Variants in ASXL3 observed in about 807,000 individuals in gnomAD.
ASXL3 encodes the protein putative Polycomb group protein ASXL3.
In ASXL3, 34 loss-of-function variants were observed where a neutral mutation model predicts 170.6. The observed-to-expected ratio is 0.20, with a 90% CI of 0.15 to 0.27. The LOEUF is 0.27. ASXL3 is among the 10% of genes least tolerant of loss of function. ASXL3 has a pLI of 1.00. For synonymous variants in ASXL3, 1,002 were observed against 989.1 expected (o/e 1.01, Z -0.24); for missense variants, 2,592 against 2,695.3 (o/e 0.96, Z 0.85).
At chr18:33,602,118 T>C (rs573452701) in intron 1 of ASXL3, among the ~76,000 whole-genome samples, 2 of 151,818 alleles carry the variant, frequency 1.3e-5, no homozygotes, top group East Asian at 3.9e-4. Flanking sequence ...TTCTTAAGTG[T>C]GAAATTGCTG....
At position 33,747,231 on chromosome 18, in the gene ASXL3, T is replaced by C. The variant is rs1278425978; in HGVS notation, c.*636T>C. 6.6e-6 allele frequency: 1 copy of C among 152,202 alleles called. No homozygotes were observed. Among genetic ancestry groups the C allele is most frequent in the Non-Finnish European group, 1.5e-5 (1 of 68,048 alleles). 9.4% of individuals were successfully genotyped at this position (152,202 alleles called of 1,614,324 possible). A position where few individuals can be genotyped will look rare whatever the true frequency, so the allele number is the denominator to read the frequency against. ...AGACTATGGCAGAATATCTGGATCT[T>C]CCTTGGATTTTGTACACATATTGTA... On this transcript the variant is annotated 3_prime_UTR_variant, in exon 12 of 12. Coordinates refer to ENST00000269197, the MANE Select transcript of ASXL3 (RefSeq NM_030632.3).
chr18:33,661,080 A>G (rs1407364836), intron 4 of ASXL3, among the ~76,000 whole-genome samples: 1 of 152,184 alleles, frequency 6.6e-6, no homozygotes, highest in Non-Finnish European at 1.5e-5. Context: ...CAAGCATCTC[A>G]GATTTCTTTT....
At position 33,607,580 on chromosome 18, in the gene ASXL3, T is replaced by C. The variant is rs772441428; in HGVS notation, c.55-14T>C. The stretch of plus-strand genomic sequence containing the variant: ...GCCATGCAATAATCTAGGAATCTTA[T>C]GTTTATATTTTAGGCACTAGAAAAA... On this transcript the variant is annotated splice_polypyrimidine_tract_variant and intron_variant, in intron 1 of 11. Transcript: ENST00000269197. The C allele has an allele frequency of 1.9e-6, 3 of 1,554,776 alleles. No individual in the cohort carries two copies. The highest frequency in any genetic ancestry group is 2.7e-5 in the African/African-American group (2 of 73,378).
intron 1 of ASXL3, 55 bp downstream of exon 1, chr18:33,578,740 C>T (rs2064967732): frequency 9.2e-7 from 1 of 1,087,014 alleles, no homozygotes; most frequent in African/African-American, 1.7e-5. Context: ...CGCCGCTCGC[C>T]CCGCGCCGGT....
intron 8 of ASXL3, among the ~76,000 whole-genome samples, chr18:33,699,512 A>G (rs1356128497): frequency 1.3e-5 from 2 of 152,164 alleles, no homozygotes; most frequent in Non-Finnish European, 2.9e-5. Context: ...GAGTAAGATG[A>G]TGATTGAGAG....
intron 4 of ASXL3, among the ~76,000 whole-genome samples, chr18:33,654,607 C>T (rs1226082787): frequency 6.6e-6 from 1 of 152,006 alleles, no homozygotes; most frequent in Non-Finnish European, 1.5e-5. Context: ...TTTTCTGTTT[C>T]TCATTTTCTA....
chr18:33,639,169 C>T (rs574066769), intron 2 of ASXL3, among the ~76,000 whole-genome samples: 3 of 152,212 alleles, frequency 2.0e-5, no homozygotes, highest in South Asian at 2.1e-4. Flanking sequence ...ACATTTACCA[C>T]GTACCAGACA....
intron 9 of ASXL3, 140 bp downstream of exon 9, chr18:33,732,204 G>A (rs2067461314): frequency 4.2e-6 from 2 of 471,952 alleles, no homozygotes; most frequent in Non-Finnish European, 7.1e-6. Flanking sequence ...CTTTCCAAAT[G>A]AGTTCACTGA....
chr18:33,582,855 G>A (rs988402443), intron 1 of ASXL3, among the ~76,000 whole-genome samples: 5 of 151,880 alleles, frequency 3.3e-5, no homozygotes, highest in Admixed American at 3.3e-4. Context: ...GTTACTGAAG[G>A]TTTTAAGTAA....
intron 8 of ASXL3, among the ~76,000 whole-genome samples, chr18:33,699,461 A>G (rs1381150218): frequency 6.6e-6 from 1 of 152,174 alleles, no homozygotes; most frequent in African/African-American, 2.4e-5. Context: ...GGCAAATTTG[A>G]AGATGGAGTG....
At chr18:33,730,020 T>C (rs1382146690) in intron 8 of ASXL3, among the ~76,000 whole-genome samples, 1 of 152,142 alleles carries the variant, frequency 6.6e-6, no homozygotes, top group Non-Finnish European at 1.5e-5. Flanking sequence ...ACAGAATGAA[T>C]AATACAAAGT....
chr18:33,618,330 A>G (rs1401592734), intron 2 of ASXL3, among the ~76,000 whole-genome samples: 1 of 152,076 alleles, frequency 6.6e-6, no homozygotes, highest in Non-Finnish European at 1.5e-5. Flanking sequence ...GGTGCAGTGC[A>G]AGATGTCTAT....
At position 33,743,289 on chromosome 18, in the gene ASXL3, C is replaced by T; in HGVS notation, c.3441C>T (p.Thr1147=). 3 of 1,613,848 alleles carry T rather than the reference C, an allele frequency of 1.9e-6. No individual in the cohort carries two copies. The highest frequency in any genetic ancestry group is 1.3e-5 in the African/African-American group (1 of 75,036). The change falls in exon 12 of 12, where the codon ACC becomes ACT. Residue 1147 remains threonine, a synonymous_variant. Coordinates refer to ENST00000269197, the MANE Select transcript of ASXL3 (RefSeq NM_030632.3). ...EGPPNLEVSS[T]PETKMEGSTG... is the part of the protein sequence containing the mutation. Reference sequence around the variant, plus strand: ...CTCCAAACTTAGAAGTCTCTTCTACCCCTGAAACAAAAATGGAAGGTTCGA... The same window carrying T: ...CTCCAAACTTAGAAGTCTCTTCTACTCCTGAAACAAAAATGGAAGGTTCGA...
At position 33,646,322 on chromosome 18, in the gene ASXL3, C is replaced by A. The variant is rs374843800; in HGVS notation, c.324C>A (p.Ala108=). 26 of 1,608,894 alleles carry A rather than the reference C, an allele frequency of 1.6e-5. No individual in the cohort carries two copies. Among genetic ancestry groups the A allele is most frequent in the African/African-American group, 2.7e-5 (2 of 74,580 alleles). Residue 108 remains alanine (A), a synonymous_variant, in exon 4 of 12, where the codon GCC becomes GCA. Coordinates refer to ENST00000269197, the MANE Select transcript of ASXL3 (RefSeq NM_030632.3). ...CTGAATTGGATGGTACAGATATGGC[C>A]GAGGCAAATGCCCATGGAGAAGAAA... ...CESELDGTDM[A]EANAHGEENG... is the part of the protein sequence containing the mutation.
At chr18:33,699,041 G>A (rs1277147727) in intron 8 of ASXL3, among the ~76,000 whole-genome samples, 1 of 151,794 alleles carries the variant, frequency 6.6e-6, no homozygotes, top group Non-Finnish European at 1.5e-5. Flanking sequence ...ACTTGAAGAA[G>A]GCAGGGGAGG....
Position 33,746,633 on chromosome 18 carries a change from G to GA in ASXL3, c.*42dup. 6.6e-7 allele frequency: 1 copy of GA among 1,519,508 alleles called. No homozygotes were observed. The highest frequency in any genetic ancestry group is 1.4e-5 in the African/African-American group (1 of 72,470). 94.1% of individuals were successfully genotyped at this position (1,519,508 alleles called of 1,614,324 possible). A position where few individuals can be genotyped will look rare whatever the true frequency, so the allele number is the denominator to read the frequency against. On this transcript the variant is annotated 3_prime_UTR_variant, in exon 12 of 12. Coordinates refer to ENST00000269197, the MANE Select transcript of ASXL3 (RefSeq NM_030632.3). ...AGATGCAGTATCCCTTTTCCACACG[G>GA]AAAAGCCAAATAGCATCAGCAACAA...
At chr18:33,698,180 A>G (rs1331854263) in intron 8 of ASXL3, among the ~76,000 whole-genome samples, 1 of 152,112 alleles carries the variant, frequency 6.6e-6, no homozygotes, top group Non-Finnish European at 1.5e-5. Context: ...TTAAACCCTT[A>G]TAAAAGAGAT....
intron 8 of ASXL3, among the ~76,000 whole-genome samples, chr18:33,691,561 A>G (rs958487363): frequency 1.8e-4 from 28 of 152,168 alleles, no homozygotes; most frequent in African/African-American, 5.8e-4. Flanking sequence ...TAATGCCTAC[A>G]ATTCACCAGA....
At chr18:33,737,249 T>C (rs1394396944) in intron 10 of ASXL3, among the ~76,000 whole-genome samples, 1 of 152,166 alleles carries the variant, frequency 6.6e-6, no homozygotes, top group East Asian at 1.9e-4. Context: ...CCAAAAACTG[T>C]ATTCAACATT....
Sources: allele counts gnomAD v4.1 joint callset (sites outside exome capture counted in the v4.1 genomes callset), GRCh38; gene constraint gnomAD v4.1.1; transcripts MANE v1.5; gene names NCBI Gene and HGNC (gene_info 2026-07-23, HGNC 2026-07-21).